Variants in SEMA6D observed in about 807,000 individuals in gnomAD.
SEMA6D encodes semaphorin-6D.
SEMA6D carries 35 observed loss-of-function variants against 106.6 expected under a neutral mutation model. The ratio of observed to expected loss-of-function variants is 0.33; its 90% CI spans 0.25 to 0.44. The LOEUF is 0.44. Among genes scored for constraint, SEMA6D ranks in the 20% least tolerant of loss-of-function variants. The pLI is 1.00. For missense variants in SEMA6D, 1,185 were observed against 1,345.9 expected (o/e 0.88, Z 1.87); for synonymous variants, 499 against 487.7 (o/e 1.02, Z -0.31).
chr15:47,519,091 G>T (rs2044485871), intron 3 of SEMA6D, among the ~76,000 whole-genome samples: 1 of 151,790 alleles, frequency 6.6e-6, no homozygotes, highest in African/African-American at 2.4e-5. Flanking sequence ...GCCAGGCATG[G>T]TGGTCAAATA....
intron 4 of SEMA6D, among the ~76,000 whole-genome samples, chr15:47,690,944 A>G (rs1317550394): frequency 1.3e-5 from 2 of 152,130 alleles, no homozygotes; most frequent in East Asian, 3.9e-4. Context: ...GTCTCCTCTC[A>G]TCTGGAACTG....
At chr15:47,658,822 C>T (rs1442490537) in intron 4 of SEMA6D, among the ~76,000 whole-genome samples, 1 of 151,914 alleles carries the variant, frequency 6.6e-6, no homozygotes, top group Admixed American at 6.6e-5. Flanking sequence ...TTTAACTTCC[C>T]TAGATCCACA....
intron 3 of SEMA6D, among the ~76,000 whole-genome samples, chr15:47,558,978 G>A (rs936152832): frequency 6.6e-6 from 1 of 152,024 alleles, no homozygotes; most frequent in Non-Finnish European, 1.5e-5. Context: ...AAAGGGAAAA[G>A]ATACAACATT....
At chr15:47,661,806 A>G (rs2077925666) in intron 4 of SEMA6D, among the ~76,000 whole-genome samples, 1 of 152,240 alleles carries the variant, frequency 6.6e-6, no homozygotes, top group South Asian at 2.1e-4. Context: ...TGTCTCTAAA[A>G]GGAAGCAAAT....
chr15:47,432,120 A>C (rs2041550038), intron 2 of SEMA6D, among the ~76,000 whole-genome samples: 1 of 152,094 alleles, frequency 6.6e-6, no homozygotes, highest in African/African-American at 2.4e-5. Context: ...ATGTGTTCAC[A>C]AAATCATTAG....
chr15:47,766,272 C>A, intron 15 of SEMA6D, 90 bp downstream of exon 15: 1 of 1,132,524 alleles, frequency 8.8e-7, no homozygotes, highest in Non-Finnish European at 1.3e-6. Context: ...AATTATACTA[C>A]TTTTCTTTTT....
chr15:47,343,246 T>TGA (rs1180147089), intron 1 of SEMA6D, among the ~76,000 whole-genome samples: 11 of 140,494 alleles, frequency 7.8e-5, no homozygotes, highest in African/African-American at 2.9e-4. Context: ...ATTAGTTGGA[T>TGA]TTTTATTATT....
At chr15:47,661,822 A>C (rs2077925799) in intron 4 of SEMA6D, among the ~76,000 whole-genome samples, 1 of 152,230 alleles carries the variant, frequency 6.6e-6, no homozygotes, top group African/African-American at 2.4e-5. Context: ...CAAATGTTTT[A>C]AAAAGCAATG....
chr15:47,761,894 CA>C (rs1207686257), intron 7 of SEMA6D, 143 bp downstream of exon 7: 1 of 744,176 alleles, frequency 1.3e-6, no homozygotes, highest in Non-Finnish European at 2.1e-6. Context: ...CACAAATTTC[CA>C]AAAAAAGAAG....
intron 1 of SEMA6D, among the ~76,000 whole-genome samples, chr15:47,352,042 T>C (rs1162600965): frequency 6.6e-6 from 1 of 152,010 alleles, no homozygotes; most frequent in Non-Finnish European, 1.5e-5. Context: ...GCCTTTAAAC[T>C]TTCACAGTCA....
chr15:47,470,431 T>C (rs1315567510), intron 2 of SEMA6D: 2 of 150,484 alleles, frequency 1.3e-5, no homozygotes, highest in Non-Finnish European at 2.9e-5. Flanking sequence ...CATTTGTAGC[T>C]ATCCCAATAT....
intron 4 of SEMA6D, among the ~76,000 whole-genome samples, chr15:47,613,373 T>G (rs12908185): frequency 6.6e-6 from 1 of 151,938 alleles, no homozygotes; most frequent in African/African-American, 2.4e-5. Context: ...ATGCATCAAT[T>G]TCCTTCCAGG....
At chr15:47,233,189 T>G (rs963057697) in intron 1 of SEMA6D, among the ~76,000 whole-genome samples, 1 of 152,010 alleles carries the variant, frequency 6.6e-6, no homozygotes, top group Non-Finnish European at 1.5e-5. Flanking sequence ...GCACCATTTG[T>G]TGAAAAGACT....
At chr15:47,724,637 AGGGGT>A (rs1261959219) in intron 1 of SEMA6D, among the ~76,000 whole-genome samples, 1 of 148,642 alleles carries the variant, frequency 6.7e-6, no homozygotes, top group Non-Finnish European at 1.5e-5. Context: ...GCAAAAGCCC[AGGGGT>A]GGGGTGGGGG....
chr15:47,377,779 A>G (rs1048165863), intron 1 of SEMA6D, among the ~76,000 whole-genome samples: 2 of 152,186 alleles, frequency 1.3e-5, no homozygotes, highest in African/African-American at 4.8e-5. Context: ...CTAAGAATCT[A>G]AGAGGAATAT....
intron 1 of SEMA6D, among the ~76,000 whole-genome samples, chr15:47,393,679 C>T (rs574396275): frequency 1.1e-4 from 16 of 152,214 alleles, no homozygotes; most frequent in African/African-American, 3.9e-4. Flanking sequence ...GCATAGCCAA[C>T]CTTAACAGGG....
chr15:47,626,293 T>A (rs1401083304), intron 4 of SEMA6D, among the ~76,000 whole-genome samples: 1 of 152,226 alleles, frequency 6.6e-6, no homozygotes, highest in Non-Finnish European at 1.5e-5. Flanking sequence ...GTTCCCTGGA[T>A]GTGCTTACTA....
intron 3 of SEMA6D, among the ~76,000 whole-genome samples, chr15:47,587,788 CT>C (rs1343894835): frequency 2.3e-5 from 1 of 43,934 alleles, no homozygotes; most frequent in Non-Finnish European, 5.6e-5. Flanking sequence ...TTTACTTTTT[CT>C]TTCTTTTTTT....
chr15:47,371,250 G>A (rs1383836012), intron 1 of SEMA6D, among the ~76,000 whole-genome samples: 2 of 152,150 alleles, frequency 1.3e-5, no homozygotes, highest in Admixed American at 6.5e-5. Context: ...CATTACAAAC[G>A]TGCCCTCACA....
Sources: allele counts gnomAD v4.1 joint callset (sites outside exome capture counted in the v4.1 genomes callset), GRCh38; gene constraint gnomAD v4.1.1; transcripts MANE v1.5; gene names NCBI Gene and HGNC (gene_info 2026-07-23, HGNC 2026-07-21).